DGKG: variants seen among roughly 807,000 people sequenced by gnomAD.
DGKG encodes the protein diacylglycerol kinase gamma, also known as DAG kinase gamma.
Under a neutral mutation model 105.3 loss-of-function variants are expected in DGKG, and 78 were observed. That is an observed-to-expected ratio of 0.74 (90% CI 0.62 to 0.89). The LOEUF (loss-of-function observed/expected upper bound fraction) is 0.89. Ranked by LOEUF, DGKG falls within the 40% of genes least tolerant of loss-of-function variation. The pLI is 0.00. For missense variants in DGKG, 958 were observed against 1,020.1 expected, an observed-to-expected ratio of 0.94 and a Z score of 0.83; for synonymous variants, 346 against 367.1, an observed-to-expected ratio of 0.94 and a Z score of 0.66.
At chr3:186,355,302 G>T (rs868688840) in intron 1 of DGKG, among the ~76,000 whole-genome samples, 10 of 23,462 alleles carry the variant, frequency 4.3e-4, no homozygotes, top group African/African-American at 1.4e-3. Context: ...CACCATTATT[G>T]TCACCCCCCA....
intron 22 of DGKG, among the ~76,000 whole-genome samples, chr3:186,185,066 A>G (rs1717556337): frequency 6.6e-6 from 1 of 152,198 alleles, no homozygotes; most frequent in African/African-American, 2.4e-5. Flanking sequence ...CTGAGACCCA[A>G]GAAGGGGAAA....
At position 186,320,639 on chromosome 3, in the gene DGKG, A is replaced by T. The variant is rs902422130; in HGVS notation, c.-180T>A. On this transcript the variant is annotated 5_prime_UTR_variant, in exon 2 of 25. Coordinates refer to ENST00000265022, the MANE Select transcript of DGKG (RefSeq NM_001346.3). ...GGCACCTCTCAGAAGATGAGACAAG[A>T]TCTCTGCTATTCCTTAGGCAACATC... is the stretch of plus-strand genomic sequence containing the variant. 17 of 972,268 alleles carry T rather than the reference A, an allele frequency of 1.7e-5. No homozygotes were observed. The highest frequency in any genetic ancestry group is 2.3e-5 in the Non-Finnish European group (16 of 686,482). 60.2% of individuals were successfully genotyped at this position (972,268 alleles called of 1,614,324 possible).
chr3:186,348,451 C>CTTTTTTTTT (rs1159516433), intron 1 of DGKG, among the ~76,000 whole-genome samples: 6 of 50,698 alleles, frequency 1.2e-4, no homozygotes, highest in African/African-American at 4.3e-4. Flanking sequence ...GGCTCATAAT[C>CTTTTTTTTT]TTTTTTTTTT....
intron 14 of DGKG, among the ~76,000 whole-genome samples, chr3:186,262,618 C>T (rs1401061522): frequency 6.6e-6 from 1 of 152,190 alleles, no homozygotes; most frequent in Non-Finnish European, 1.5e-5. Flanking sequence ...ATGTAAATTT[C>T]CTAACCTGGC....
chr3:186,257,060 T>C (rs1721510996), intron 17 of DGKG, among the ~76,000 whole-genome samples: 1 of 152,240 alleles, frequency 6.6e-6, no homozygotes, highest in African/African-American at 2.4e-5. Context: ...TGACACATCA[T>C]GGAGCACAGG....
intron 22 of DGKG, among the ~76,000 whole-genome samples, chr3:186,174,795 G>A (rs777760699): frequency 6.6e-6 from 1 of 151,974 alleles, no homozygotes; most frequent in Non-Finnish European, 1.5e-5. Context: ...GCATGGGTTG[G>A]ATACTCTTAG....
At chr3:186,175,247 T>C (rs1053495604) in intron 22 of DGKG, among the ~76,000 whole-genome samples, 4 of 152,134 alleles carry the variant, frequency 2.6e-5, no homozygotes. Flanking sequence ...GTAGGAGACC[T>C]CACCTGTTCT....
In DGKG at chr3:186,178,931, C is replaced by T. The variant is rs528332340; in HGVS notation, c.2095+9271G>A. Among the ~76,000 whole-genome samples the T allele has an allele frequency of 2.6e-5, 4 of 152,308 alleles. No homozygotes were observed. In the East Asian group the frequency reaches 7.7e-4, roughly 29 times the overall value. ...AGGTCAATTAACCTCCCTTGGCTTC[C>T]TTTTTCTAATTTATAAAATTTATTC... On this transcript the variant is annotated intron_variant, in intron 22 of 24. Transcript: ENST00000265022.
At chr3:186,333,757 T>C (rs1002131244) in intron 1 of DGKG, among the ~76,000 whole-genome samples, 1 of 152,182 alleles carries the variant, frequency 6.6e-6, no homozygotes, top group African/African-American at 2.4e-5. Context: ...CGAAGAGACA[T>C]TGCAGAGCCC....
chr3:186,277,168 A>G lies in DGKG; in HGVS notation c.793-1504T>C, dbSNP rs77306620. 1.2e-3 allele frequency among the ~76,000 whole-genome samples: 189 copies of G among 152,368 alleles called. 1 individual carries two copies. Among genetic ancestry groups the G allele is most frequent in the Non-Finnish European group, 2.3e-3 (155 of 68,026 alleles). On this transcript the variant is annotated intron_variant, in intron 9 of 24. Coordinates refer to ENST00000265022, the MANE Select transcript of DGKG (RefSeq NM_001346.3). The stretch of plus-strand genomic sequence containing the variant: ...ATTCATTCATTTATTCGTTTGACCA[A>G]CATCTACCTCAAGGGCTTTTTGTAA...
chr3:186,179,802 A>C (rs1391017398), intron 22 of DGKG, among the ~76,000 whole-genome samples: 1 of 152,202 alleles, frequency 6.6e-6, no homozygotes, highest in Non-Finnish European at 1.5e-5. Flanking sequence ...AGAGGAGAGA[A>C]GAGTGAGAAT....
chr3:186,356,871 T>C (rs1022556711), intron 1 of DGKG, among the ~76,000 whole-genome samples: 1 of 152,154 alleles, frequency 6.6e-6, no homozygotes, highest in East Asian at 1.9e-4. Context: ...TCTGCTCTTG[T>C]AGGTTTTTGG....
chr3:186,148,405 C>G lies in DGKG; in HGVS notation c.*1685G>C, dbSNP rs1444488525. On this transcript the variant is annotated 3_prime_UTR_variant, in exon 25 of 25. Coordinates refer to ENST00000265022, the MANE Select transcript of DGKG (RefSeq NM_001346.3). ...ATGATCTGTTTAGTACCTTCGATCT[C>G]AGACCAACTTCTTTTCCATTCAGGT... is the stretch of plus-strand genomic sequence containing the variant. The G allele has an allele frequency of 2.0e-6, 2 of 985,298 alleles. No homozygotes were observed. Among genetic ancestry groups the G allele is most frequent in the Admixed American group, 1.2e-4 (2 of 16,250 alleles). The allele number at this position is 985,298 out of a possible 1,614,324, so 61.0% of individuals were successfully genotyped here. A position where few individuals can be genotyped will look rare whatever the true frequency, so the allele number is the denominator to read the frequency against.
At chr3:186,192,498 C>T (rs775778341) in intron 21 of DGKG, among the ~76,000 whole-genome samples, 25 of 152,184 alleles carry the variant, frequency 1.6e-4, no homozygotes, top group Admixed American at 3.9e-4. Context: ...TGCTGGGATT[C>T]ACCCATAGTA....
At chr3:186,304,956 G>T (rs1031074683) in intron 3 of DGKG, among the ~76,000 whole-genome samples, 2 of 152,168 alleles carry the variant, frequency 1.3e-5, no homozygotes, top group Admixed American at 6.5e-5. Context: ...CTTCTACAGT[G>T]CCCAGTACAG....
At chr3:186,202,575 C>T (rs1028697506) in intron 21 of DGKG, among the ~76,000 whole-genome samples, 2 of 152,160 alleles carry the variant, frequency 1.3e-5, no homozygotes, top group Non-Finnish European at 2.9e-5. Context: ...ACTGATGGGG[C>T]CTCGCAGTTT....
At position 186,149,982 on chromosome 3, in the gene DGKG, G is replaced by A. The variant is rs1715678327; in HGVS notation, c.*108C>T. ...GCTTCCACTGGTTAGAGAAGAGTGT[G>A]TATGTGTGTGTGTGTGTGCATGTGT... On this transcript the variant is annotated 3_prime_UTR_variant, in exon 25 of 25. Coordinates refer to ENST00000265022, the MANE Select transcript of DGKG (RefSeq NM_001346.3). The A allele has an allele frequency of 6.8e-7, 1 of 1,470,136 alleles. No homozygotes were observed. 91.1% of individuals were successfully genotyped at this position (1,470,136 alleles called of 1,614,324 possible).
intron 2 of DGKG, among the ~76,000 whole-genome samples, chr3:186,316,681 C>A (rs932814327): frequency 3.3e-5 from 5 of 152,134 alleles, no homozygotes; most frequent in African/African-American, 4.8e-5. Context: ...GATGCCCCAC[C>A]CTCACCCTAT....
rs1011325920 is a variant in DGKG, at chr3:186,148,841, C to A, written c.*1249G>T. The A allele has an allele frequency of 1.0e-6, 1 of 985,160 alleles. No individual in the cohort carries two copies. 61.0% of individuals were successfully genotyped at this position (985,160 alleles called of 1,614,324 possible). On this transcript the variant is annotated 3_prime_UTR_variant, in exon 25 of 25. Transcript: ENST00000265022. ...TGTGATCACCACAGGGAGATGCGTC[C>A]TGACAATGAAACGGTGGAGTGGGGG...
Sources: allele counts gnomAD v4.1 joint callset (sites outside exome capture counted in the v4.1 genomes callset), GRCh38; gene constraint gnomAD v4.1.1; transcripts MANE v1.5; gene names NCBI Gene and HGNC (gene_info 2026-07-23, HGNC 2026-07-21).